OPCML: variants seen among roughly 807,000 people sequenced by gnomAD.
The protein encoded by OPCML is opioid-binding protein/cell adhesion molecule.
In OPCML, 13 loss-of-function variants were observed where a neutral mutation model predicts 37.8. The observed-to-expected ratio is 0.34, with a 90% confidence interval of 0.22 to 0.55. The LOEUF is 0.55. OPCML is among the 20% of genes least tolerant of loss of function. The pLI, the probability that OPCML is intolerant of heterozygous loss-of-function variation, is 0.91. For missense variants in OPCML, 341 were observed against 435.6 expected, an observed-to-expected ratio of 0.78 and a Z score of 1.93; for synonymous variants, 176 against 168.8, an observed-to-expected ratio of 1.04 and a Z score of -0.33.
intron 1 of OPCML, among the ~76,000 whole-genome samples, chr11:133,397,687 C>T (rs993836390): frequency 3.9e-5 from 6 of 152,180 alleles, no homozygotes; most frequent in Non-Finnish European, 8.8e-5. Context: ...ATTCATCAGC[C>T]GAGACAGCAT....
chr11:133,045,113 A>C (rs1316791825), intron 1 of OPCML, among the ~76,000 whole-genome samples: 1 of 152,084 alleles, frequency 6.6e-6, no homozygotes, highest in Non-Finnish European at 1.5e-5. Flanking sequence ...CAGCCAAGAG[A>C]CCCAATCCCT....
intron 1 of OPCML, among the ~76,000 whole-genome samples, chr11:133,190,439 C>T (rs774452532): frequency 6.6e-6 from 1 of 152,168 alleles, no homozygotes; most frequent in Non-Finnish European, 1.5e-5. Flanking sequence ...CTTTCTCTTC[C>T]TATCTTTCCT....
At chr11:132,430,024 G>A (rs189058748) in intron 7 of OPCML, among the ~76,000 whole-genome samples, 15 of 152,284 alleles carry the variant, frequency 9.9e-5, no homozygotes, top group Admixed American at 9.8e-4. Flanking sequence ...GAGGGGCTCT[G>A]GCACTGAGAC....
At chr11:133,210,283 A>G (rs1321890701) in intron 1 of OPCML, among the ~76,000 whole-genome samples, 1 of 152,188 alleles carries the variant, frequency 6.6e-6, no homozygotes, top group African/African-American at 2.4e-5. Context: ...AGGTGTTAAC[A>G]GCGGATGGAC....
Position 132,479,727 on chromosome 11 carries a change from A to G in OPCML, c.506-42368T>C, listed in dbSNP as rs374936414. Among the ~76,000 whole-genome samples, 512 of 152,146 alleles carry G rather than the reference A, an allele frequency of 3.4e-3. 4 individuals carry two copies. Among genetic ancestry groups the G allele is most frequent in the African/African-American group, 0.011 (438 of 41,542 alleles). ...AGTGGGTCCCTGACCCCTGACCCCC[A>G]AGCAGCCTAACTGGGAGGCACCCCC... On this transcript the variant is annotated intron_variant, in intron 4 of 7. Transcript: ENST00000524381.
intron 3 of OPCML, among the ~76,000 whole-genome samples, chr11:132,616,348 G>T (rs1261338009): frequency 6.6e-6 from 1 of 152,168 alleles, no homozygotes; most frequent in Non-Finnish European, 1.5e-5. Context: ...TCTTCCCAAA[G>T]TTAGTTTGGT....
chr11:132,989,592 G>C (rs938007464), intron 1 of OPCML, among the ~76,000 whole-genome samples: 16 of 146,774 alleles, frequency 1.1e-4, no homozygotes, highest in African/African-American at 3.8e-4. Flanking sequence ...TTGATGCCAA[G>C]GTCCTAGAGC....
At chr11:132,752,232 C>T (rs1945860564) in intron 2 of OPCML, among the ~76,000 whole-genome samples, 1 of 151,254 alleles carries the variant, frequency 6.6e-6, no homozygotes, top group Non-Finnish European at 1.5e-5. Flanking sequence ...TTTGTTGCCA[C>T]TTCACACCAA....
chr11:132,718,615 C>T (rs1303461655), intron 2 of OPCML, among the ~76,000 whole-genome samples: 1 of 152,114 alleles, frequency 6.6e-6, no homozygotes, highest in Non-Finnish European at 1.5e-5. Context: ...CGTGTCCATA[C>T]GTGTCCTATG....
chr11:133,447,689 A>G (rs1449931324), intron 1 of OPCML, among the ~76,000 whole-genome samples: 1 of 152,230 alleles, frequency 6.6e-6, no homozygotes, highest in Admixed American at 6.5e-5. Context: ...TGTTGCTGCA[A>G]AGAACATTAT....
chr11:132,903,865 G>T (rs1944145775), intron 2 of OPCML, among the ~76,000 whole-genome samples: 2 of 152,194 alleles, frequency 1.3e-5, no homozygotes, highest in African/African-American at 2.4e-5. Flanking sequence ...GTGCACGTGT[G>T]TGTAGTTTTC....
intron 2 of OPCML, among the ~76,000 whole-genome samples, chr11:132,896,233 C>T (rs1591768974): frequency 1.3e-5 from 2 of 152,118 alleles, no homozygotes; most frequent in African/African-American, 4.8e-5. Context: ...GGATTTGTCA[C>T]TTAAACCCTA....
intron 1 of OPCML, among the ~76,000 whole-genome samples, chr11:133,485,944 G>T (rs1171618342): frequency 6.6e-6 from 1 of 151,930 alleles, no homozygotes; most frequent in Non-Finnish European, 1.5e-5. Flanking sequence ...GTTTAAAATG[G>T]CCCACAGGCA....
At chr11:133,179,833 A>G (rs1358755871) in intron 1 of OPCML, among the ~76,000 whole-genome samples, 2 of 152,212 alleles carry the variant, frequency 1.3e-5, no homozygotes, top group East Asian at 3.9e-4. Flanking sequence ...GGTGAGAATG[A>G]GATGCAATCA....
chr11:133,345,398 T>A (rs117190926), intron 1 of OPCML, among the ~76,000 whole-genome samples: 32 of 152,226 alleles, frequency 2.1e-4, no homozygotes, highest in African/African-American at 7.5e-4. Context: ...TCTCGAGGAA[T>A]AAACACAATG....
At chr11:133,464,278 G>C (rs1193712811) in intron 1 of OPCML, among the ~76,000 whole-genome samples, 2 of 152,078 alleles carry the variant, frequency 1.3e-5, no homozygotes. Context: ...TTGTCTTCAA[G>C]TCAGTCCACA....
chr11:133,350,750 T>A (rs1056438721), intron 1 of OPCML, among the ~76,000 whole-genome samples: 1 of 152,198 alleles, frequency 6.6e-6, no homozygotes, highest in African/African-American at 2.4e-5. Flanking sequence ...ATTTCTTTAA[T>A]GACAATTGAA....
chr11:132,822,414 G>A (rs2136251841), intron 2 of OPCML, among the ~76,000 whole-genome samples: 1 of 152,222 alleles, frequency 6.6e-6, no homozygotes, highest in East Asian at 1.9e-4. Context: ...ATTCCCCTGA[G>A]AAACCAGGAG....
At chr11:133,320,671 C>G (rs1277579172) in intron 1 of OPCML, among the ~76,000 whole-genome samples, 1 of 152,104 alleles carries the variant, frequency 6.6e-6, no homozygotes, top group Non-Finnish European at 1.5e-5. Context: ...AAAATAAAAA[C>G]TCTTAAAATT....
Sources: allele counts gnomAD v4.1 joint callset (sites outside exome capture counted in the v4.1 genomes callset), GRCh38; gene constraint gnomAD v4.1.1; transcripts MANE v1.5; gene names NCBI Gene and HGNC (gene_info 2026-07-23, HGNC 2026-07-21).